The following LIPA variants were observed in gnomAD, a reference collection of about 807,000 sequenced individuals.
The protein encoded by LIPA is lysosomal acid lipase/cholesteryl ester hydrolase.
LIPA carries 26 observed loss-of-function variants against 40.6 expected under a neutral mutation model. The observed-to-expected ratio is 0.64, with a 90% CI of 0.47 to 0.89. The LOEUF is 0.89. LIPA is among the 40% of genes least tolerant of loss of function. The probability of loss-of-function intolerance (pLI) is 0.00; values close to 1 mark genes in which losing one functional copy is unlikely to be tolerated. For synonymous variants in LIPA, 188 were observed against 168.4 expected, an observed-to-expected ratio of 1.12 and a Z score of -0.90; for missense variants, 455 against 479.6, an observed-to-expected ratio of 0.95 and a Z score of 0.48.
intron 2 of LIPA, chr10:89,384,813 T>G: frequency 7.7e-7 from 1 of 1,306,960 alleles, no homozygotes; most frequent in South Asian, 1.4e-5. Flanking sequence ...AATGCAAACT[T>G]AAAGCTGTTG....
intron 1 of LIPA, among the ~76,000 whole-genome samples, chr10:89,330,266 T>C (rs1018025325): frequency 3.9e-5 from 6 of 152,200 alleles, no homozygotes; most frequent in African/African-American, 9.6e-5. Flanking sequence ...ATTTCTATTA[T>C]TAGCCTCATT....
At chr10:89,250,944 G>T (rs774028040) in intron 1 of LIPA, among the ~76,000 whole-genome samples, 3 of 152,134 alleles carry the variant, frequency 2.0e-5, no homozygotes, top group Non-Finnish European at 4.4e-5. Context: ...GTAACAATCT[G>T]ACTCAGCTTT....
chr10:89,305,374 T>C (rs1408995962), intron 1 of LIPA, among the ~76,000 whole-genome samples: 2 of 152,076 alleles, frequency 1.3e-5, no homozygotes, highest in Non-Finnish European at 2.9e-5. Flanking sequence ...GAAGGATATA[T>C]TAAAAGCTGA....
chr10:89,386,401 T>G (rs1275594996), intron 2 of LIPA, among the ~76,000 whole-genome samples: 2 of 152,136 alleles, frequency 1.3e-5, no homozygotes, highest in East Asian at 1.9e-4. Context: ...TTTTTCAACT[T>G]TGTTGATAGT....
At chr10:89,310,987 A>G (rs1337697694) in intron 1 of LIPA, among the ~76,000 whole-genome samples, 1 of 152,244 alleles carries the variant, frequency 6.6e-6, no homozygotes, top group Non-Finnish European at 1.5e-5. Context: ...AAACCCTTCT[A>G]GAGATCTGGA....
Position 89,222,545 on chromosome 10 carries a change from C to G in LIPA, c.860G>C (p.Gly287Ala), listed in dbSNP as rs1564752066. 1.2e-6 allele frequency: 2 copies of G among 1,610,652 alleles called. No homozygotes were observed. Among genetic ancestry groups the G allele is most frequent in the Non-Finnish European group, 1.7e-6 (2 of 1,176,860 alleles). The change falls in exon 8 of 10, where the codon GGA becomes GCA. Residue 287 changes from glycine to alanine, a missense_variant. Coordinates refer to ENST00000336233, the MANE Select transcript of LIPA (RefSeq NM_000235.4). ...VDVYTTHSPA[G>A]TSVQNMLHWS... ...GTGTAACATGTTTTGCACAGAAGTT[C>G]CAGCAGGAGAATGTGTTGTATATAC...
chr10:89,388,188 C>G (rs1302815095), intron 2 of LIPA, among the ~76,000 whole-genome samples: 1 of 152,138 alleles, frequency 6.6e-6, no homozygotes, highest in Non-Finnish European at 1.5e-5. Flanking sequence ...TCACTGCAAT[C>G]TCCGCCTCCT....
chr10:89,297,734 A>G (rs1843423565), intron 1 of LIPA, among the ~76,000 whole-genome samples: 1 of 152,200 alleles, frequency 6.6e-6, no homozygotes, highest in Admixed American at 6.5e-5. Context: ...ATACTCTCCC[A>G]CTAGTGAAGC....
intron 8 of LIPA, among the ~76,000 whole-genome samples, chr10:89,218,441 G>A (rs1162126148): frequency 2.6e-5 from 4 of 152,118 alleles, no homozygotes; most frequent in Admixed American, 2.0e-4. Context: ...TTTAATTATG[G>A]CAGAGACTGC....
chr10:89,367,409 T>C (rs1029192071), intron 2 of LIPA, among the ~76,000 whole-genome samples: 1 of 152,236 alleles, frequency 6.6e-6, no homozygotes, highest in Non-Finnish European at 1.5e-5. Flanking sequence ...TTCTGGCTTC[T>C]AGCTCTGTCC....
At chr10:89,257,118 G>T (rs956295165) in intron 1 of LIPA, among the ~76,000 whole-genome samples, 1 of 152,140 alleles carries the variant, frequency 6.6e-6, no homozygotes, top group African/African-American at 2.4e-5. Context: ...AACAAGGGTG[G>T]CATTGGTCCA....
chr10:89,253,495 G>A (rs903834195), upstream of LIPA, among the ~76,000 whole-genome samples: 8 of 152,098 alleles, frequency 5.3e-5, no homozygotes, highest in Admixed American at 2.0e-4. Context: ...ATCTCCCACC[G>A]GGTCCCTCCC....
At chr10:89,380,323 G>T (rs1185203629) in intron 2 of LIPA, among the ~76,000 whole-genome samples, 1 of 152,170 alleles carries the variant, frequency 6.6e-6, no homozygotes, top group Non-Finnish European at 1.5e-5. Flanking sequence ...GACAGCTTAA[G>T]TGGAGCTTAA....
rs3063809 is a variant in LIPA at position 89,247,846 on chromosome 10, T to TTTTATTTA, written c.-1-205_-1-198dup. ...TTTAAATTTTATTTATTTATTTTTA[T>TTTTATTTA]TTTATTTATTTATTTATTTATTTAT... On this transcript the variant is annotated intron_variant, in intron 1 of 9. Transcript: ENST00000336233. 0.099 allele frequency: 16,290 copies of TTTTATTTA among 164,162 alleles called. 1,044 individuals are homozygous for TTTTATTTA. Among genetic ancestry groups the TTTTATTTA allele is most frequent in the African/African-American group, 0.16 (6,296 of 38,948 alleles). The allele number at this position is 164,162 out of a possible 1,614,324, so 10.2% of individuals were successfully genotyped here.
At chr10:89,414,479 A>G in exon 1 of LIPA, 1 of 350,508 alleles carries the variant, frequency 2.9e-6, no homozygotes, top group East Asian at 4.8e-5. Flanking sequence ...AAGACCCTGG[A>G]CTCCGCAAAC....
intron 9 of LIPA, among the ~76,000 whole-genome samples, chr10:89,215,585 A>G (rs774381549): frequency 1.1e-4 from 16 of 152,254 alleles, no homozygotes; most frequent in Admixed American, 5.9e-4. Context: ...TGCTAATTTT[A>G]TTAGTGCAGG....
At chr10:89,215,134 A>T (rs1842608324) in intron 9 of LIPA, 73 bp from the exon 10 acceptor site, 1 of 1,078,820 alleles carries the variant, frequency 9.3e-7, no homozygotes, top group African/African-American at 1.5e-5. Flanking sequence ...AATAAGCGCA[A>T]TCTCCATTAA....
At chr10:89,257,863 T>C (rs1333451953) in intron 1 of LIPA, among the ~76,000 whole-genome samples, 1 of 152,144 alleles carries the variant, frequency 6.6e-6, no homozygotes, top group Non-Finnish European at 1.5e-5. Context: ...TTCCTTCAAG[T>C]CTTTAACTAA....
intron 1 of LIPA, chr10:89,314,709 T>C (rs898309889): frequency 6.6e-6 from 1 of 152,236 alleles, no homozygotes; most frequent in Admixed American, 6.5e-5. Flanking sequence ...TGATGCAGAA[T>C]GTTATTCAGT....
Sources: gnomAD v4.1 joint callset for allele counts (sites outside exome capture counted in the v4.1 genomes callset) on GRCh38, gnomAD v4.1.1 for gene constraint, MANE v1.5 for transcripts, NCBI Gene and HGNC (gene_info 2026-07-23, HGNC 2026-07-21) for gene names.